The following CC2D2B variants were observed in gnomAD, a reference collection of about 807,000 sequenced individuals.
The protein encoded by CC2D2B is coiled-coil and C2 domain containing 2B.
Under a neutral mutation model 161.2 loss-of-function variants are expected in CC2D2B, and 128 were observed. That is an observed-to-expected ratio of 0.79 (90% CI 0.69 to 0.92). The LOEUF (loss-of-function observed/expected upper bound fraction) is 0.92. Ranked by LOEUF, CC2D2B falls within the 40% of genes least tolerant of loss-of-function variation. CC2D2B has a pLI of 0.00. For synonymous variants in CC2D2B, 391 were observed against 449.8 expected (o/e 0.87, Z 1.65); for missense variants, 1,173 against 1,375.1 (o/e 0.85, Z 2.32).
intron 24 of CC2D2B, among the ~76,000 whole-genome samples, chr10:95,997,312 G>C (rs1465035284): frequency 6.6e-6 from 1 of 151,622 alleles, no homozygotes; most frequent in South Asian, 2.1e-4. Context: ...TCTTGTACTT[G>C]TCCTCTGGAG....
chr10:95,913,610 A>T (rs961001692), intron 2 of CC2D2B, among the ~76,000 whole-genome samples: 13 of 152,112 alleles, frequency 8.5e-5, no homozygotes, highest in African/African-American at 2.9e-4. Context: ...CCCTTTCTCA[A>T]TGCTTTTGCC....
chr10:96,020,040 C>G, intron 32 of CC2D2B: 4 of 442,594 alleles, frequency 9.0e-6, no homozygotes, highest in Non-Finnish European at 1.2e-5. Context: ...ATCTTAAATG[C>G]AAATTTAGAT....
In CC2D2B at chr10:96,019,351, G is replaced by GAA; in HGVS notation, c.3765+21_3765+22dup. ...GATGATAGAAATGTAAGTATATGGG[G>GAA]AAAAAAAATCTTGAGTTATCTCCTC... On this transcript the variant is annotated intron_variant, in intron 31 of 34. Transcript: ENST00000646931. 1 of 1,593,530 alleles carries GAA rather than the reference G, an allele frequency of 6.3e-7. No individual in the cohort carries two copies. Among genetic ancestry groups the GAA allele is most frequent in the South Asian group, 1.1e-5 (1 of 87,236 alleles).
At chr10:95,992,464 G>A in intron 21 of CC2D2B, 63 bp from the exon 22 acceptor site, 1 of 1,162,140 alleles carries the variant, frequency 8.6e-7, no homozygotes, top group Admixed American at 4.2e-5. Flanking sequence ...TTACTCAAAA[G>A]ACTGTTATCT....
intron 25 of CC2D2B, among the ~76,000 whole-genome samples, chr10:96,008,167 TC>T (rs1419104759): frequency 5.6e-4 from 30 of 53,472 alleles, no homozygotes; most frequent in Non-Finnish European, 9.5e-4. Context: ...TGGTATGTGT[TC>T]TTTTTTTTTT....
At chr10:95,962,609 T>C (rs2076798839) in intron 12 of CC2D2B, among the ~76,000 whole-genome samples, 1 of 152,124 alleles carries the variant, frequency 6.6e-6, no homozygotes, top group South Asian at 2.1e-4. Context: ...CCCAAACACT[T>C]AAGCTGTTTG....
intron 25 of CC2D2B, among the ~76,000 whole-genome samples, chr10:96,005,889 AATAGT>A (rs1295469707): frequency 6.6e-6 from 1 of 152,160 alleles, no homozygotes; most frequent in Non-Finnish European, 1.5e-5. Context: ...TTTTTAAAAA[AATAGT>A]TATTTTCAAG....
At chr10:95,986,609 T>G (rs1216919981) in intron 19 of CC2D2B, among the ~76,000 whole-genome samples, 1 of 152,088 alleles carries the variant, frequency 6.6e-6, no homozygotes, top group Non-Finnish European at 1.5e-5. Flanking sequence ...TAATTAGTTT[T>G]TCTTTGAGAT....
chr10:95,962,840 A>C (rs1411545971), intron 12 of CC2D2B, among the ~76,000 whole-genome samples: 2 of 147,198 alleles, frequency 1.4e-5, no homozygotes, highest in African/African-American at 5.0e-5. Context: ...TTTATCTTAG[A>C]CTCCTAAATT....
intron 2 of CC2D2B, among the ~76,000 whole-genome samples, chr10:95,914,557 G>A (rs1566304483): frequency 6.6e-6 from 1 of 152,140 alleles, no homozygotes; most frequent in Non-Finnish European, 1.5e-5. Context: ...ATTGGATCAC[G>A]GGAGTGGTTT....
chr10:95,961,762 A>G (rs1177598107), intron 11 of CC2D2B, 67 bp from the exon 12 acceptor site: 4 of 939,580 alleles, frequency 4.3e-6, no homozygotes, highest in African/African-American at 3.4e-5. Flanking sequence ...ACATTCTTCC[A>G]TGCCACTTTT....
At chr10:95,935,307 GT>G (rs1207222050) in intron 6 of CC2D2B, among the ~76,000 whole-genome samples, 1 of 152,024 alleles carries the variant, frequency 6.6e-6, no homozygotes, top group African/African-American at 2.4e-5. Flanking sequence ...AACCCTGTTG[GT>G]TCTGCCTTCA....
At chr10:95,909,960 A>G (rs1057353014) in intron 1 of CC2D2B, among the ~76,000 whole-genome samples, 3 of 152,192 alleles carry the variant, frequency 2.0e-5, no homozygotes, top group Non-Finnish European at 4.4e-5. Flanking sequence ...CAGCCTGAGC[A>G]ACACAGCGAG....
chr10:95,955,807 C>G (rs1444876283), intron 11 of CC2D2B, among the ~76,000 whole-genome samples: 1 of 152,092 alleles, frequency 6.6e-6, no homozygotes, highest in Admixed American at 6.6e-5. Context: ...AATTAGTGCA[C>G]ATTTACACAT....
chr10:96,022,495 T>G (rs958103152), intron 32 of CC2D2B: 2 of 152,226 alleles, frequency 1.3e-5, no homozygotes, highest in African/African-American at 4.8e-5. Context: ...AAGGGAAAAG[T>G]GCTTCTCTCT....
At chr10:95,966,863 T>C (rs1157648960) in intron 14 of CC2D2B, among the ~76,000 whole-genome samples, 2 of 152,116 alleles carry the variant, frequency 1.3e-5, no homozygotes, top group African/African-American at 4.8e-5. Flanking sequence ...TTTCTCTCTA[T>C]GCCTAGAACA....
intron 22 of CC2D2B, among the ~76,000 whole-genome samples, chr10:95,993,851 T>TATATATAGAG (rs756844236): frequency 2.0e-5 from 2 of 98,062 alleles, no homozygotes; most frequent in African/African-American, 9.0e-5. Context: ...TATATATATA[T>TATATATAGAG]AGAGAGAGAG....
intron 25 of CC2D2B, among the ~76,000 whole-genome samples, 165 bp downstream of exon 25, chr10:96,004,413 G>A (rs1350218020): frequency 6.6e-6 from 1 of 152,170 alleles, no homozygotes; most frequent in Non-Finnish European, 1.5e-5. Flanking sequence ...CATATAACAA[G>A]TCAGTTCAAA....
chr10:95,922,489 G>A (rs2098529321), intron 3 of CC2D2B, among the ~76,000 whole-genome samples: 1 of 152,192 alleles, frequency 6.6e-6, no homozygotes, highest in Non-Finnish European at 1.5e-5. Context: ...TGGGAATAGA[G>A]TATAAACAAA....
Sources: gnomAD v4.1 joint callset for allele counts (sites outside exome capture counted in the v4.1 genomes callset) on GRCh38, gnomAD v4.1.1 for gene constraint, MANE v1.5 for transcripts, NCBI Gene and HGNC (gene_info 2026-07-23, HGNC 2026-07-21) for gene names.